Variants in PABPC1L observed in about 807,000 individuals in gnomAD.
PABPC1L encodes the protein poly(A) binding protein cytoplasmic 1 like, also known as polyadenylate-binding protein 1-like.
Under a neutral mutation model 66.6 loss-of-function variants are expected in PABPC1L, and 31 were observed. The ratio of observed to expected loss-of-function variants is 0.47; its 90% CI spans 0.35 to 0.63. PABPC1L has a LOEUF of 0.63. PABPC1L is among the 20% of genes least tolerant of loss of function. The pLI, the probability that PABPC1L is intolerant of heterozygous loss-of-function variation, is 0.00. For synonymous variants in PABPC1L, 348 were observed against 335.1 expected, an observed-to-expected ratio of 1.04 and a Z score of -0.42; for missense variants, 722 against 848.8, an observed-to-expected ratio of 0.85 and a Z score of 1.86.
intron 3 of PABPC1L, among the ~76,000 whole-genome samples, chr20:44,918,420 A>G (rs997409253): frequency 5.3e-5 from 8 of 152,212 alleles, no homozygotes; most frequent in Non-Finnish European, 1.2e-4. Context: ...GACTGCGTCT[A>G]ATTCACTTAC....
intron 13 of PABPC1L, 86 bp downstream of exon 13, chr20:44,938,277 G>C: frequency 6.7e-7 from 1 of 1,503,374 alleles, no homozygotes; most frequent in Non-Finnish European, 8.9e-7. Context: ...CCAGTGGATA[G>C]CTGTTTGGCC....
intron 13 of PABPC1L, 60 bp downstream of exon 13, chr20:44,938,251 G>A: frequency 1.9e-6 from 3 of 1,576,148 alleles, no homozygotes; most frequent in South Asian, 2.3e-5. Context: ...TAACGACAAG[G>A]GCTCTCCTAG....
At chr20:44,931,307 G>T (rs1399567774) in intron 8 of PABPC1L, among the ~76,000 whole-genome samples, 1 of 151,230 alleles carries the variant, frequency 6.6e-6, no homozygotes, top group Non-Finnish European at 1.5e-5. Context: ...CTCCTGAGTA[G>T]GTGGGACTAC....
At chr20:44,922,489 G>A (rs570164483) in intron 6 of PABPC1L, among the ~76,000 whole-genome samples, 2 of 152,278 alleles carry the variant, frequency 1.3e-5, no homozygotes, top group East Asian at 3.9e-4. Flanking sequence ...GCCCGCCTCA[G>A]CCTCCCAAAG....
In PABPC1L at chr20:44,916,747, G is replaced by T; in HGVS notation, c.388-9G>T. Reference sequence around the variant, plus strand: ...AGTACTCTTCCTGTCCTTCCTCCCTGTGGCCCAGGTGGCGTGTGACGAGCA... The same window carrying T: ...AGTACTCTTCCTGTCCTTCCTCCCTTTGGCCCAGGTGGCGTGTGACGAGCA... On this transcript the variant is annotated splice_polypyrimidine_tract_variant and intron_variant, in intron 2 of 14. Coordinates refer to ENST00000217073, the MANE Select transcript of PABPC1L (RefSeq NM_001372179.1). 6.2e-7 allele frequency: 1 copy of T among 1,613,920 alleles called. No individual in the cohort carries two copies. Among genetic ancestry groups the T allele is most frequent in the Non-Finnish European group, 8.5e-7 (1 of 1,179,822 alleles).
In PABPC1L at chr20:44,925,210, C is replaced by CAA. The variant is rs34623911; in HGVS notation, c.972+973_972+974dup. The stretch of plus-strand genomic sequence containing the variant: ...CCTGGGCAACAGCGAGACTCTGTCT[C>CAA]AAAAAAAAAAAAAAAAAAAAGCGCC... On this transcript the variant is annotated intron_variant, in intron 7 of 14. Coordinates refer to ENST00000217073, the MANE Select transcript of PABPC1L (RefSeq NM_001372179.1). 8.0e-3 allele frequency among the ~76,000 whole-genome samples: 599 copies of CAA among 75,170 alleles called. 16 individuals carry two copies. The highest frequency in any genetic ancestry group is 0.023 in the African/African-American group (466 of 19,964). 49.3% of individuals were successfully genotyped at this position (75,170 alleles called of 152,430 possible).
chr20:44,931,334 G>A (rs765313639), intron 8 of PABPC1L, among the ~76,000 whole-genome samples: 18 of 150,626 alleles, frequency 1.2e-4, no homozygotes, highest in Non-Finnish European at 2.4e-4. Context: ...GTGCCACCAT[G>A]CCCAGCTAAT....
At chr20:44,924,412 G>C (rs1211440609) in intron 7 of PABPC1L, among the ~76,000 whole-genome samples, 156 bp downstream of exon 7, 1 of 152,158 alleles carries the variant, frequency 6.6e-6, no homozygotes, top group Non-Finnish European at 1.5e-5. Flanking sequence ...GTTGGAGCTT[G>C]TAGCCATCTG....
chr20:44,930,393 G>T, intron 7 of PABPC1L, 67 bp from the exon 8 acceptor site: 1 of 1,552,814 alleles, frequency 6.4e-7, no homozygotes, highest in Non-Finnish European at 8.7e-7. Context: ...TGGGGAGGAG[G>T]GAGGCAGCGC....
chr20:44,928,431 A>G (rs1467395007), intron 7 of PABPC1L, among the ~76,000 whole-genome samples: 2 of 152,224 alleles, frequency 1.3e-5, no homozygotes, highest in East Asian at 3.8e-4. Flanking sequence ...TGACAAATTC[A>G]TGGCTAATAC....
chr20:44,921,244 G>C (rs2066771167), intron 5 of PABPC1L, among the ~76,000 whole-genome samples: 1 of 150,088 alleles, frequency 6.7e-6, no homozygotes, highest in African/African-American at 2.5e-5. Context: ...CCACCTCCCA[G>C]GTTCAACGAT....
At position 44,910,135 on chromosome 20, in the gene PABPC1L, C is replaced by G. The variant is rs1434646734; in HGVS notation, c.-9C>G. Reference sequence around the variant, plus strand: ...CTGCTTGCCCCGCAGCCCCGGCCCCCTGCCCACCATGAACGCCAGCGGTTC... The same window carrying G: ...CTGCTTGCCCCGCAGCCCCGGCCCCGTGCCCACCATGAACGCCAGCGGTTC... On this transcript the variant is annotated 5_prime_UTR_variant, in exon 1 of 15. Coordinates refer to ENST00000217073, the MANE Select transcript of PABPC1L (RefSeq NM_001372179.1). The G allele has an allele frequency of 7.1e-6, 11 of 1,554,308 alleles. No individual in the cohort carries two copies. The highest frequency in any genetic ancestry group is 8.7e-6 in the Non-Finnish European group (10 of 1,149,310).
rs778336285 is a variant in PABPC1L at position 44,930,607 on chromosome 20, C to T, written c.1120C>T (p.Arg374Trp). Residue 374 changes from arginine (R) to tryptophan (W), a missense_variant, in exon 8 of 15, where the codon CGG becomes TGG. Transcript: ENST00000217073. ...GGCACTGGCCCAGCGCAAAGAGGAG[C>T]GGAAGGCCATCTTGACCAACCAGTA... Reference protein sequence around the residue: ...YVALAQRKEERKAILTNQYMQ... With the variant: ...YVALAQRKEEWKAILTNQYMQ... 4 of 1,614,232 alleles carry T rather than the reference C, an allele frequency of 2.5e-6. No homozygotes were observed. Among genetic ancestry groups the T allele is most frequent in the Non-Finnish European group, 3.4e-6 (4 of 1,180,038 alleles).
intron 7 of PABPC1L, among the ~76,000 whole-genome samples, chr20:44,929,067 T>C (rs2066832023): frequency 2.0e-5 from 3 of 151,480 alleles, no homozygotes; most frequent in African/African-American, 7.3e-5. Flanking sequence ...GAGACCAGCC[T>C]GGGCAACATA....
At chr20:44,924,489 G>T (rs2038999585) in intron 7 of PABPC1L, among the ~76,000 whole-genome samples, 1 of 152,162 alleles carries the variant, frequency 6.6e-6, no homozygotes, top group Non-Finnish European at 1.5e-5. Flanking sequence ...TGGACTTGGG[G>T]CTCACTGTCA....
At chr20:44,930,176 C>T (rs1229124561) in intron 7 of PABPC1L, among the ~76,000 whole-genome samples, 1 of 152,200 alleles carries the variant, frequency 6.6e-6, no homozygotes, top group Admixed American at 6.5e-5. Context: ...CGTGCTGCAT[C>T]CCTCAAACAG....
intron 7 of PABPC1L, among the ~76,000 whole-genome samples, chr20:44,927,120 A>C (rs969247980): frequency 6.6e-6 from 1 of 152,008 alleles, no homozygotes; most frequent in African/African-American, 2.4e-5. Flanking sequence ...TCCTGGGCTC[A>C]AGCAGTCCTC....
intron 7 of PABPC1L, among the ~76,000 whole-genome samples, chr20:44,929,146 T>C (rs868752307): frequency 6.6e-6 from 1 of 151,466 alleles, no homozygotes; most frequent in Non-Finnish European, 1.5e-5. Context: ...CCTATAGCCC[T>C]AACTACTTGA....
chr20:44,936,625 G>A lies in PABPC1L; in HGVS notation c.1567-12G>A, dbSNP rs1176208660. 7 of 1,575,484 alleles carry A rather than the reference G, an allele frequency of 4.4e-6. No individual in the cohort carries two copies. Among genetic ancestry groups the A allele is most frequent in the Non-Finnish European group, 6.0e-6 (7 of 1,160,672 alleles). Reference sequence around the variant, plus strand: ...CATGGTGATTAAGGGATGTGTCCCCGGCACCATGCAGGTCCAGGAGCCGGC... The same window carrying A: ...CATGGTGATTAAGGGATGTGTCCCCAGCACCATGCAGGTCCAGGAGCCGGC... On this transcript the variant is annotated splice_polypyrimidine_tract_variant and intron_variant, in intron 11 of 14. Coordinates refer to ENST00000217073, the MANE Select transcript of PABPC1L (RefSeq NM_001372179.1).
Sources: gnomAD v4.1 joint callset for allele counts (sites outside exome capture counted in the v4.1 genomes callset) on GRCh38, gnomAD v4.1.1 for gene constraint, MANE v1.5 for transcripts, NCBI Gene and HGNC (gene_info 2026-07-23, HGNC 2026-07-21) for gene names.